The following KCNE2 variants were observed in gnomAD, a reference collection of about 807,000 sequenced individuals.
The protein encoded by KCNE2 is potassium voltage-gated channel subfamily E regulatory subunit 2, also known as potassium voltage-gated channel subfamily E member 2.
Under a neutral mutation model 4.5 loss-of-function variants are expected in KCNE2, and 4 were observed. The observed-to-expected ratio is 0.89, with a 90% CI of 0.44 to 2.03. The LOEUF (loss-of-function observed/expected upper bound fraction) is 2.03. Among genes scored for constraint, KCNE2 ranks in the 30% most tolerant of loss-of-function variants. The pLI is 0.03. For missense variants in KCNE2, 137 were observed against 151.4 expected, an observed-to-expected ratio of 0.90 and a Z score of 0.50; for synonymous variants, 57 against 55.9, an observed-to-expected ratio of 1.02 and a Z score of -0.09.
chr21:34,368,168 G>A (rs1979387573), intron 1 of KCNE2, among the ~76,000 whole-genome samples: 1 of 145,034 alleles, frequency 6.9e-6, no homozygotes, highest in Non-Finnish European at 1.5e-5. Flanking sequence ...TGACAGCCGA[G>A]TGGAAAAGAT....
intron 1 of KCNE2, among the ~76,000 whole-genome samples, chr21:34,365,443 G>A (rs1251814415): frequency 6.6e-6 from 1 of 152,134 alleles, no homozygotes; most frequent in African/African-American, 2.4e-5. Flanking sequence ...GTTTCGATTT[G>A]ATTTTTGAGA....
intron 1 of KCNE2, among the ~76,000 whole-genome samples, chr21:34,366,775 C>A (rs548171536): frequency 4.6e-5 from 7 of 151,032 alleles, no homozygotes; most frequent in East Asian, 4.0e-4. Flanking sequence ...GTCAGGAGAT[C>A]GAGACCATCC....
intron 1 of KCNE2, among the ~76,000 whole-genome samples, chr21:34,369,899 T>A (rs2123422991): frequency 6.6e-6 from 1 of 152,358 alleles, no homozygotes. Context: ...ATCTTTTCTC[T>A]TGATGTTATC....
chr21:34,368,257 T>C (rs1297810263), intron 1 of KCNE2, among the ~76,000 whole-genome samples: 1 of 102,588 alleles, frequency 9.7e-6, no homozygotes, highest in African/African-American at 4.5e-5. Context: ...TATATATATA[T>C]ATATGTATGT....
intron 1 of KCNE2, among the ~76,000 whole-genome samples, chr21:34,367,968 T>A (rs1355605449): frequency 6.6e-6 from 1 of 151,940 alleles, no homozygotes; most frequent in Non-Finnish European, 1.5e-5. Flanking sequence ...CTGTTGCAAC[T>A]CTTTGCACGT....
chr21:34,370,991 G>A lies in KCNE2; in HGVS notation c.*141G>A, dbSNP rs1384193590. On this transcript the variant is annotated 3_prime_UTR_variant, in exon 2 of 2. Coordinates refer to ENST00000290310, the MANE Select transcript of KCNE2 (RefSeq NM_172201.2). ...TGAGAATTTTCATGGAGATTATGTGGTTGGCCAATAAAGATAGATGACATT... is the reference window on the plus strand; with the variant it reads ...TGAGAATTTTCATGGAGATTATGTGATTGGCCAATAAAGATAGATGACATT... The A allele has an allele frequency of 1.9e-6, 2 of 1,046,196 alleles. No individual in the cohort carries two copies. The highest frequency in any genetic ancestry group is 2.9e-6 in the Non-Finnish European group (2 of 693,634). The allele number at this position is 1,046,196 out of a possible 1,614,324, so 64.8% of individuals were successfully genotyped here. A position where few individuals can be genotyped will look rare whatever the true frequency, so the allele number is the denominator to read the frequency against.
intron 1 of KCNE2, among the ~76,000 whole-genome samples, chr21:34,365,407 A>G (rs1006330882): frequency 3.9e-5 from 6 of 152,316 alleles, no homozygotes; most frequent in African/African-American, 1.4e-4. Context: ...TAGGGGTAGG[A>G]TAAGTATGTA....
At chr21:34,366,337 C>T (rs976777966) in intron 1 of KCNE2, among the ~76,000 whole-genome samples, 2 of 152,118 alleles carry the variant, frequency 1.3e-5, no homozygotes, top group Non-Finnish European at 2.9e-5. Context: ...TTTTATTTTA[C>T]TTTTCGAGGG....
At chr21:34,368,228 CAATA>C (rs1253653598) in intron 1 of KCNE2, among the ~76,000 whole-genome samples, 17 of 51,362 alleles carry the variant, frequency 3.3e-4, no homozygotes, top group South Asian at 8.4e-4. Context: ...CACACACACA[CAATA>C]TATATATATA....
intron 1 of KCNE2, among the ~76,000 whole-genome samples, chr21:34,365,851 G>A (rs1464431157): frequency 6.6e-6 from 1 of 152,228 alleles, no homozygotes; most frequent in African/African-American, 2.4e-5. Flanking sequence ...TTCACACACT[G>A]TGATTTGTTT....
In KCNE2 at chr21:34,370,465, A is replaced by G. The variant is rs763870305; in HGVS notation, c.-12-2A>G. Reference sequence around the variant, plus strand: ...TCGCCTATTTTATTATTTAAATTGCAGCAGGAGGGAAGCATGTCTACTTTA... The same window carrying G: ...TCGCCTATTTTATTATTTAAATTGCGGCAGGAGGGAAGCATGTCTACTTTA... On this transcript the variant is annotated splice_acceptor_variant, in intron 1 of 1. Coordinates refer to ENST00000290310, the MANE Select transcript of KCNE2 (RefSeq NM_172201.2). LOFTEE classifies it low-confidence loss of function (5UTR_SPLICE). The G allele has an allele frequency of 1.2e-6, 2 of 1,614,202 alleles. No homozygotes were observed. The highest frequency in any genetic ancestry group is 2.2e-5 in the South Asian group (2 of 91,076).
intron 1 of KCNE2, among the ~76,000 whole-genome samples, chr21:34,368,497 G>A (rs1603061269): frequency 6.6e-6 from 1 of 151,874 alleles, no homozygotes; most frequent in Non-Finnish European, 1.5e-5. Context: ...CTACTTGGGA[G>A]GCTGAGACAG....
chr21:34,366,535 GA>G (rs1201068955), intron 1 of KCNE2, among the ~76,000 whole-genome samples: 1 of 152,046 alleles, frequency 6.6e-6, no homozygotes, highest in Admixed American at 6.6e-5. Flanking sequence ...GGGATTCAGA[GA>G]TGAGTAAAGC....
At chr21:34,366,807 G>A (rs529795134) in intron 1 of KCNE2, among the ~76,000 whole-genome samples, 119 of 151,258 alleles carry the variant, frequency 7.9e-4, no homozygotes, top group Middle Eastern at 6.8e-3. Flanking sequence ...GTGAAACCCC[G>A]TCTGTACTAA....
Position 34,370,565 on chromosome 21 carries a change from C to T in KCNE2, c.87C>T (p.Asn29=), listed in dbSNP as rs1427987437. ...CTTATATGGACAATTGGCGCCAGAACACAACAGCTGAGCAAGAGGCCCTCC... is the reference window on the plus strand; with the variant it reads ...CTTATATGGACAATTGGCGCCAGAATACAACAGCTGAGCAAGAGGCCCTCC... ...FITYMDNWRQ[N]TTAEQEALQA... The change falls in exon 2 of 2, where the codon AAC becomes AAT. Residue 29 remains asparagine (N), a synonymous_variant. Transcript: ENST00000290310. 3.7e-6 allele frequency: 6 copies of T among 1,614,198 alleles called. No homozygotes were observed. The highest frequency in any genetic ancestry group is 1.3e-5 in the African/African-American group (1 of 75,058).
At position 34,370,943 on chromosome 21, in the gene KCNE2, A is replaced by C. The variant is rs1979566323; in HGVS notation, c.*93A>C. ...AATCCAAATTGTCTTTGCTTAGAAG[A>C]AAGTGAGTTCCTTGCTCTCTGTTGA... On this transcript the variant is annotated 3_prime_UTR_variant, in exon 2 of 2. Coordinates refer to ENST00000290310, the MANE Select transcript of KCNE2 (RefSeq NM_172201.2). 2.7e-6 allele frequency: 4 copies of C among 1,506,664 alleles called. No individual in the cohort carries two copies. Among genetic ancestry groups the C allele is most frequent in the Non-Finnish European group, 3.7e-6 (4 of 1,089,734 alleles). 93.3% of individuals were successfully genotyped at this position (1,506,664 alleles called of 1,614,324 possible). A position where few individuals can be genotyped will look rare whatever the true frequency, so the allele number is the denominator to read the frequency against.
chr21:34,368,282 TTA>T (rs66683075), intron 1 of KCNE2, among the ~76,000 whole-genome samples: 4,024 of 136,586 alleles, frequency 0.029, 100 homozygotes, highest in Middle Eastern at 0.053. Context: ...TATATGTATG[TTA>T]TATATATGTA....
intron 1 of KCNE2, among the ~76,000 whole-genome samples, chr21:34,366,436 T>A (rs1260545216): frequency 6.9e-5 from 10 of 145,382 alleles, no homozygotes; most frequent in African/African-American, 2.3e-4. Context: ...TCCAGTTGAA[T>A]TCCACAGAGG....
chr21:34,369,565 G>A (rs888684355), intron 1 of KCNE2, among the ~76,000 whole-genome samples: 4 of 152,026 alleles, frequency 2.6e-5, no homozygotes, highest in African/African-American at 9.7e-5. Flanking sequence ...AAAAAAAAGG[G>A]CACATTGATG....
Sources: gnomAD v4.1 joint callset for allele counts (sites outside exome capture counted in the v4.1 genomes callset) on GRCh38, gnomAD v4.1.1 for gene constraint, MANE v1.5 for transcripts, NCBI Gene and HGNC (gene_info 2026-07-23, HGNC 2026-07-21) for gene names.